The following PCDH15 variants were observed in gnomAD, a reference collection of about 807,000 sequenced individuals.
PCDH15 encodes protocadherin-15.
In PCDH15, 129 loss-of-function variants were observed where a neutral mutation model predicts 178.5. The observed-to-expected ratio is 0.72, with a 90% CI of 0.63 to 0.84. PCDH15 has a LOEUF of 0.84. PCDH15 is among the 40% of genes least tolerant of loss of function. The probability of loss-of-function intolerance (pLI) is 0.00; values close to 1 mark genes in which losing one functional copy is unlikely to be tolerated. For synonymous variants in PCDH15, 800 were observed against 732.0 expected (o/e 1.09, Z -1.50); for missense variants, 2,230 against 2,099.9 (o/e 1.06, Z -1.21).
intron 3 of PCDH15, among the ~76,000 whole-genome samples, chr10:54,839,497 A>C (rs564841915): frequency 2.8e-4 from 43 of 152,218 alleles, no homozygotes; most frequent in African/African-American, 8.4e-4. Context: ...AAAACTGTAA[A>C]GAAAATTTAG....
intron 2 of PCDH15, 99 bp from the exon 3 acceptor site, chr10:54,527,976 A>T: frequency 1.1e-6 from 1 of 920,186 alleles, no homozygotes; most frequent in Non-Finnish European, 1.7e-6. Context: ...AAAAAGGAAA[A>T]TCTTGCAATC....
chr10:54,138,261 T>TG (rs2043067857), intron 14 of PCDH15, among the ~76,000 whole-genome samples: 1 of 152,058 alleles, frequency 6.6e-6, no homozygotes, highest in Non-Finnish European at 1.5e-5. Flanking sequence ...TGTGTGTGTG[T>TG]GAGCAAGTGT....
intron 1 of PCDH15, among the ~76,000 whole-genome samples, chr10:54,737,210 C>T (rs1318944894): frequency 6.6e-6 from 1 of 152,026 alleles, no homozygotes; most frequent in Non-Finnish European, 1.5e-5. Context: ...CAGGTGCTGG[C>T]GCTGACCCAG....
At chr10:54,577,678 A>G (rs1007615564) in intron 2 of PCDH15, among the ~76,000 whole-genome samples, 5 of 152,068 alleles carry the variant, frequency 3.3e-5, no homozygotes, top group African/African-American at 1.2e-4. Context: ...TTTACTGGTT[A>G]TGCCCCTTAC....
chr10:54,869,670 GA>G (rs1954000454), intron 3 of PCDH15, among the ~76,000 whole-genome samples: 1 of 152,138 alleles, frequency 6.6e-6, no homozygotes, highest in East Asian at 1.9e-4. Context: ...GAAGAAATAA[GA>G]TAATGGACAT....
Position 55,001,667 on chromosome 10 carries a change from C to A in PCDH15, c.-79-104167G>T, listed in dbSNP as rs188444734. On this transcript the variant is annotated intron_variant, in intron 2 of 5. Transcript: ENST00000458638. ...CCTCATGCTCACTCACTCACACACC[C>A]CTCACTGATCCCTGCCTGGCTCACC... Among the ~76,000 whole-genome samples the A allele has an allele frequency of 1.8e-3, 278 of 152,248 alleles. 2 individuals are homozygous for A. The highest frequency in any genetic ancestry group is 6.4e-3 in the African/African-American group (266 of 41,560).
chr10:54,488,866 G>A (rs978138987), intron 3 of PCDH15, among the ~76,000 whole-genome samples: 1 of 151,966 alleles, frequency 6.6e-6, no homozygotes, highest in Admixed American at 6.6e-5. Context: ...ATTTTCCCAA[G>A]AGTAGGTTAG....
Position 54,509,260 on chromosome 10 carries a change from T to C in PCDH15, c.157+18552A>G, listed in dbSNP as rs146315198. Among the ~76,000 whole-genome samples the C allele has an allele frequency of 6.9e-3, 1,052 of 152,150 alleles. 8 individuals carry two copies. Among genetic ancestry groups the C allele is most frequent in the African/African-American group, 0.024 (1,016 of 41,518 alleles). On this transcript the variant is annotated intron_variant, in intron 3 of 37. Transcript: ENST00000644397. The stretch of plus-strand genomic sequence containing the variant: ...GTGGGAGGGACCCAGTGGGAGATAA[T>C]TGAATCATGGGGGTGGTTTCCCCCA...
chr10:54,969,471 G>C (rs1252343435), intron 2 of PCDH15, among the ~76,000 whole-genome samples: 2 of 152,154 alleles, frequency 1.3e-5, no homozygotes, highest in Admixed American at 1.3e-4. Flanking sequence ...TGATTTCTCT[G>C]TTCTTTTCAG....
intron 1 of PCDH15, among the ~76,000 whole-genome samples, chr10:54,712,356 A>C (rs2132375184): frequency 6.6e-6 from 1 of 152,074 alleles, no homozygotes; most frequent in South Asian, 2.1e-4. Context: ...AAATTTTAAA[A>C]GAGATTTAAA....
intron 1 of PCDH15, among the ~76,000 whole-genome samples, chr10:55,308,388 C>A (rs377633017): frequency 1.3e-5 from 2 of 152,062 alleles, no homozygotes; most frequent in East Asian, 3.9e-4. Context: ...ACTTTCCACT[C>A]GTATACCTTC....
At chr10:55,601,563 A>C (rs1843078988) in intron 2 of PCDH15, among the ~76,000 whole-genome samples, 1 of 152,204 alleles carries the variant, frequency 6.6e-6, no homozygotes, top group Non-Finnish European at 1.5e-5. Flanking sequence ...GATGTTAATT[A>C]GGTGGATTGA....
intron 2 of PCDH15, among the ~76,000 whole-genome samples, chr10:54,639,250 T>A (rs1360050379): frequency 6.6e-6 from 1 of 152,184 alleles, no homozygotes; most frequent in East Asian, 1.9e-4. Flanking sequence ...TAATATTATT[T>A]TCAACTTCCA....
At chr10:55,353,355 G>T (rs149183545) in intron 2 of PCDH15, among the ~76,000 whole-genome samples, 10 of 152,072 alleles carry the variant, frequency 6.6e-5, no homozygotes, top group Non-Finnish European at 1.5e-4. Context: ...GTCTGAAACC[G>T]CAATTACTTT....
At chr10:55,043,181 G>A (rs774965094) in intron 2 of PCDH15, among the ~76,000 whole-genome samples, 20 of 151,736 alleles carry the variant, frequency 1.3e-4, no homozygotes, top group Non-Finnish European at 1.6e-4. Flanking sequence ...TTTTTTCTAC[G>A]TGGAATATTG....
chr10:54,226,346 C>T (rs938773118), intron 9 of PCDH15, among the ~76,000 whole-genome samples: 16 of 152,192 alleles, frequency 1.1e-4, no homozygotes, highest in African/African-American at 3.9e-4. Flanking sequence ...AACGGAAAGA[C>T]TTGCCACCAT....
intron 15 of PCDH15, among the ~76,000 whole-genome samples, chr10:54,116,209 G>A (rs1282781612): frequency 1.4e-5 from 2 of 140,894 alleles, no homozygotes; most frequent in African/African-American, 5.4e-5. Flanking sequence ...GAGAAATTAA[G>A]TTGTCAATGG....
chr10:54,680,595 T>C lies in PCDH15; in HGVS notation c.-28-16305A>G, dbSNP rs113059451. 2.3e-3 allele frequency among the ~76,000 whole-genome samples: 350 copies of C among 152,236 alleles called. 1 individual carries two copies. The highest frequency in any genetic ancestry group is 7.9e-3 in the African/African-American group (330 of 41,546). ...TCACCTTGAATTGTAATAATCCCCA[T>C]GTGTCAAGGGTGGGGCCAGGTGAAG... On this transcript the variant is annotated intron_variant, in intron 1 of 37. Coordinates refer to ENST00000644397, the MANE Select transcript of PCDH15 (RefSeq NM_001384140.1).
intron 1 of PCDH15, among the ~76,000 whole-genome samples, chr10:54,752,189 A>T (rs904118597): frequency 1.9e-4 from 29 of 152,150 alleles, no homozygotes; most frequent in Non-Finnish European, 2.9e-5. Context: ...CATGAAGAAT[A>T]AAACAGGCCG....
Sources: allele counts gnomAD v4.1 joint callset (sites outside exome capture counted in the v4.1 genomes callset), GRCh38; gene constraint gnomAD v4.1.1; transcripts MANE v1.5; gene names NCBI Gene and HGNC (gene_info 2026-07-23, HGNC 2026-07-21).